FASTKD1: variants seen among roughly 807,000 people sequenced by gnomAD.
The protein encoded by FASTKD1 is FAST kinase domains 1, also known as FAST kinase domain-containing protein 1, mitochondrial.
A neutral mutation model predicts 90.9 loss-of-function variants in FASTKD1; 94 were observed. The observed-to-expected ratio is 1.03, with a 90% CI of 0.88 to 1.23. FASTKD1 has a LOEUF of 1.23. Among genes scored for constraint, FASTKD1 ranks in the 50% most tolerant of loss-of-function variants. The pLI, the probability that FASTKD1 is intolerant of heterozygous loss-of-function variation, is 0.00. For synonymous variants in FASTKD1, 319 were observed against 345.8 expected (o/e 0.92, Z 0.86); for missense variants, 945 against 993.5 (o/e 0.95, Z 0.66).
intron 7 of FASTKD1, among the ~76,000 whole-genome samples, chr2:169,548,870 A>T (rs945516802): frequency 1.3e-5 from 2 of 151,600 alleles, no homozygotes; most frequent in African/African-American, 2.4e-5. Context: ...CAAGGCGGGC[A>T]GATCACGAGG....
At chr2:169,565,505 G>A (rs189463434) in intron 3 of FASTKD1, among the ~76,000 whole-genome samples, 63 of 151,748 alleles carry the variant, frequency 4.2e-4, no homozygotes, top group African/African-American at 1.5e-3. Flanking sequence ...CTCATGATCC[G>A]CCCGCCTTGT....
chr2:169,532,531 A>C (rs1020686535), intron 12 of FASTKD1, among the ~76,000 whole-genome samples: 13 of 152,098 alleles, frequency 8.5e-5, no homozygotes, highest in African/African-American at 2.9e-4. Context: ...TAAAAAAAAA[A>C]CCTAAAATCT....
In FASTKD1 at chr2:169,537,675, C is replaced by T. The variant is rs557315417; in HGVS notation, c.2075-335G>A. The stretch of plus-strand genomic sequence containing the variant: ...TGCTGGGATTACAGGTGTGAGCCAC[C>T]GCGCCCGGACTTAATCAGTTTTTTA... On this transcript the variant is annotated intron_variant, in intron 11 of 14. Coordinates refer to ENST00000453153, the MANE Select transcript of FASTKD1 (RefSeq NM_024622.6). 7.2e-5 allele frequency among the ~76,000 whole-genome samples: 11 copies of T among 152,232 alleles called. 1 individual carries two copies. The highest frequency in any genetic ancestry group is 4.1e-4 in the South Asian group (2 of 4,822).
rs1559139684 is a variant in FASTKD1 at position 169,537,374 on chromosome 2, T to TC, written c.2075-35dup. 4 of 1,319,200 alleles carry TC rather than the reference T, an allele frequency of 3.0e-6. No individual in the cohort carries two copies. The South Asian group carries it at 3.9e-5, about 13-fold the overall frequency. The allele number at this position is 1,319,200 out of a possible 1,614,324, so 81.7% of individuals were successfully genotyped here. On this transcript the variant is annotated intron_variant, in intron 11 of 14. Coordinates refer to ENST00000453153, the MANE Select transcript of FASTKD1 (RefSeq NM_024622.6). ...AAAAATAAATAATTAGTCTACTTAATCTTTTTTTTCTTTTTTTTTTTCCTT... is the reference window on the plus strand; with the variant it reads ...AAAAATAAATAATTAGTCTACTTAATCCTTTTTTTTCTTTTTTTTTTTCCTT...
At position 169,546,238 on chromosome 2, in the gene FASTKD1, C is replaced by A; in HGVS notation, c.1681G>T (p.Ala561Ser). ...TLLLDRIASVAVQQIEKIHPF... is the reference protein window; with the variant it reads ...TLLLDRIASVSVQQIEKIHPF... ...TTCACCTTTTCAATCTGCTGAACAG[C>A]CACTGAGGCTATCCTATCTAGTAGC... The change falls in exon 8 of 15, where the codon GCT (alanine) becomes TCT (serine). Residue 561 changes from alanine (A) to serine (S), a missense_variant. By Grantham distance (99) the Ala-to-Ser change is moderately conservative. Transcript: ENST00000453153. 6.3e-7 allele frequency: 1 copy of A among 1,579,726 alleles called. No homozygotes were observed. The highest frequency in any genetic ancestry group is 8.6e-7 in the Non-Finnish European group (1 of 1,161,526).
rs377405136 is a variant in FASTKD1 at position 169,544,778 on chromosome 2, G to T, written c.1759C>A (p.Pro587Thr). The T allele has an allele frequency of 6.2e-7, 1 of 1,612,928 alleles. No individual in the cohort carries two copies. Among genetic ancestry groups the T allele is most frequent in the African/African-American group, 1.3e-5 (1 of 74,864 alleles). ...CCCAAAAATTCATCCCTTTGAGGTG[G>T]ATCATAGTTCAATACGCTGAATGGA... The part of the protein sequence containing the change: ...IRPFSVLNYD[P>T]PQRDEFLGTC... The change falls in exon 9 of 15, where the codon CCA becomes ACA. Residue 587 changes from proline to threonine, a missense_variant. Transcript: ENST00000453153.
At position 169,540,185 on chromosome 2, in the gene FASTKD1, A is replaced by T; in HGVS notation, c.1817-6T>A. On this transcript the variant is annotated splice_region_variant and splice_polypyrimidine_tract_variant and intron_variant, in intron 9 of 14. Coordinates refer to ENST00000453153, the MANE Select transcript of FASTKD1 (RefSeq NM_024622.6). ...TATAAAAGGATCCAATATACCTAAA[A>T]GAAAATTAAGATTTTTTTAAAGGTA... 1 of 1,532,834 alleles carries T rather than the reference A, an allele frequency of 6.5e-7. No homozygotes were observed. The highest frequency in any genetic ancestry group is 1.4e-5 in the African/African-American group (1 of 72,044). 95.0% of individuals were successfully genotyped at this position (1,532,834 alleles called of 1,614,324 possible).
At chr2:169,538,715 AT>A (rs1446152916) in intron 10 of FASTKD1, among the ~76,000 whole-genome samples, 2 of 150,504 alleles carry the variant, frequency 1.3e-5, no homozygotes, top group Non-Finnish European at 3.0e-5. Context: ...AAGATTTTTC[AT>A]TCACCTAATA....
chr2:169,554,988 T>G, intron 7 of FASTKD1, 136 bp downstream of exon 7: 1 of 746,546 alleles, frequency 1.3e-6, no homozygotes, highest in South Asian at 2.0e-5. Context: ...CGGAGGGAGA[T>G]AGTGTCTTAA....
intron 7 of FASTKD1, among the ~76,000 whole-genome samples, chr2:169,552,943 A>G (rs1407718843): frequency 2.0e-5 from 3 of 152,200 alleles, no homozygotes; most frequent in African/African-American, 7.2e-5. Flanking sequence ...GCAGTGGCTC[A>G]TGCTTGTAAT....
intron 7 of FASTKD1, among the ~76,000 whole-genome samples, chr2:169,548,011 A>G (rs990120655): frequency 1.3e-5 from 2 of 150,760 alleles, no homozygotes; most frequent in Non-Finnish European, 3.0e-5. Flanking sequence ...AAAAAAAACA[A>G]AACAAAAACA....
intron 2 of FASTKD1, among the ~76,000 whole-genome samples, chr2:169,569,679 C>T (rs1684146535): frequency 1.3e-5 from 2 of 151,898 alleles, no homozygotes; most frequent in Non-Finnish European, 1.5e-5. Context: ...GGTGAAACCC[C>T]GTCTCTACTA....
At chr2:169,543,069 A>G (rs1431133361) in intron 9 of FASTKD1, among the ~76,000 whole-genome samples, 2 of 152,356 alleles carry the variant, frequency 1.3e-5, no homozygotes, top group South Asian at 2.1e-4. Flanking sequence ...CAAATCCAGA[A>G]TGTGGCACAA....
At chr2:169,548,887 G>A (rs1393085396) in intron 7 of FASTKD1, among the ~76,000 whole-genome samples, 1 of 151,994 alleles carries the variant, frequency 6.6e-6, no homozygotes, top group African/African-American at 2.4e-5. Flanking sequence ...GAGGTCAGGA[G>A]ATCGAGACCA....
chr2:169,560,832 ATCAAT>A (rs1683558986), intron 4 of FASTKD1, 47 bp from the exon 5 acceptor site: 3 of 853,834 alleles, frequency 3.5e-6, no homozygotes, highest in South Asian at 5.0e-5. Context: ...ATTAAGAATG[ATCAAT>A]TCTTTTTTTT....
At chr2:169,555,084 G>T in intron 7 of FASTKD1, 40 bp downstream of exon 7, 1 of 1,576,590 alleles carries the variant, frequency 6.3e-7, no homozygotes, top group Non-Finnish European at 8.6e-7. Context: ...ATTGTGGCTA[G>T]AAAATGAAAC....
Position 169,573,828 on chromosome 2 carries a change from G to A in FASTKD1, c.-302C>T, listed in dbSNP as rs1684339678. ...CAGGGTTTATAACCTTTCTTCGAGA[G>A]ACATGACCTTTCCCATGAGACCTTG... On this transcript the variant is annotated 5_prime_UTR_variant, in exon 1 of 15. Transcript: ENST00000453153. 2.0e-5 allele frequency: 3 copies of A among 152,242 alleles called. No individual in the cohort carries two copies. The highest frequency in any genetic ancestry group is 4.4e-5 in the Non-Finnish European group (3 of 68,098). The allele number at this position is 152,242 out of a possible 1,614,324, so 9.4% of individuals were successfully genotyped here. A position where few individuals can be genotyped will look rare whatever the true frequency, so the allele number is the denominator to read the frequency against.
At chr2:169,534,463 C>CTTTT (rs1210482307) in intron 12 of FASTKD1, among the ~76,000 whole-genome samples, 2 of 110,670 alleles carry the variant, frequency 1.8e-5, no homozygotes, top group Non-Finnish European at 1.8e-5. Context: ...TTTTTTTTTT[C>CTTTT]TTTTTTTTTT....
intron 12 of FASTKD1, among the ~76,000 whole-genome samples, chr2:169,531,992 C>T (rs2105325706): frequency 6.6e-6 from 1 of 152,268 alleles, no homozygotes; most frequent in South Asian, 2.1e-4. Flanking sequence ...TTTACCACCC[C>T]TCTGAATGAT....
Sources: allele counts gnomAD v4.1 joint callset (sites outside exome capture counted in the v4.1 genomes callset), GRCh38; gene constraint gnomAD v4.1.1; transcripts MANE v1.5; gene names NCBI Gene and HGNC (gene_info 2026-07-23, HGNC 2026-07-21).